The following TTLL4 variants were observed in gnomAD, a reference collection of about 807,000 sequenced individuals.
The protein encoded by TTLL4 is tubulin monoglutamylase TTLL4.
A neutral mutation model predicts 122.7 loss-of-function variants in TTLL4; 85 were observed. The observed-to-expected ratio is 0.69, with a 90% CI of 0.58 to 0.83. TTLL4 has a LOEUF of 0.83. Among genes scored for constraint, TTLL4 ranks in the 40% least tolerant of loss-of-function variants. The probability of loss-of-function intolerance (pLI) is 0.00; values close to 1 mark genes in which losing one functional copy is unlikely to be tolerated. For synonymous variants in TTLL4, 553 were observed against 563.0 expected, an observed-to-expected ratio of 0.98 and a Z score of 0.25; for missense variants, 1,363 against 1,488.6, an observed-to-expected ratio of 0.92 and a Z score of 1.39.
intron 1 of TTLL4, among the ~76,000 whole-genome samples, chr2:218,715,672 T>C (rs537403371): frequency 1.3e-5 from 2 of 152,238 alleles, no homozygotes; most frequent in South Asian, 4.1e-4. Context: ...AATCTGTCGC[T>C]AGGCTGGAGT....
chr2:218,738,954 A>C lies in TTLL4; in HGVS notation c.1278A>C (p.Ser426=), dbSNP rs149241993. The C allele has an allele frequency of 1.9e-6, 3 of 1,614,196 alleles. No homozygotes were observed. In the South Asian group the frequency reaches 3.3e-5, roughly 18 times the overall value. Residue 426 remains serine (S), a synonymous_variant, in exon 3 of 20, where the codon TCA becomes TCC. Transcript: ENST00000392102. Reference sequence around the variant, plus strand: ...GTATCAGCATTCACCTCCTTGCCTCACATGCCAGTGGGCTCAATCACAACC... The same window carrying C: ...GTATCAGCATTCACCTCCTTGCCTCCCATGCCAGTGGGCTCAATCACAACC... ...TKRISIHLLA[S]HASGLNHNPA...
chr2:218,720,192 C>T (rs1273863592), intron 1 of TTLL4, among the ~76,000 whole-genome samples: 1 of 151,892 alleles, frequency 6.6e-6, no homozygotes, highest in Non-Finnish European at 1.5e-5. Context: ...AGACATGAAA[C>T]TTGAGACGAC....
At position 218,752,921 on chromosome 2, in the gene TTLL4, C is replaced by G. The variant is rs201944426; in HGVS notation, c.3135C>G (p.Phe1045Leu). Residue 1045 changes from phenylalanine (F) to leucine (L), a missense_variant, in exon 17 of 20, where the codon TTC becomes TTG. By Grantham distance (22) the Phe-to-Leu change is conservative. Coordinates refer to ENST00000392102, the MANE Select transcript of TTLL4 (RefSeq NM_014640.5). Reference protein sequence around the residue: ...YLRFFEQPRYFNILTTQWEQK... With the variant: ...YLRFFEQPRYLNILTTQWEQK... ...GCTTTTTTGAGCAGCCACGATATTT[C>G]AACATTCTCACCACCCAATGGGAAC... The G allele has an allele frequency of 6.2e-7, 1 of 1,614,172 alleles. No homozygotes were observed. The highest frequency in any genetic ancestry group is 1.7e-5 in the Admixed American group (1 of 60,024).
chr2:218,736,849 C>CTTT (rs776690140), intron 2 of TTLL4, among the ~76,000 whole-genome samples: 22 of 139,432 alleles, frequency 1.6e-4, no homozygotes, highest in African/African-American at 2.4e-4. Context: ...TTCAGATCGT[C>CTTT]TTTTTTTTTT....
intron 1 of TTLL4, among the ~76,000 whole-genome samples, chr2:218,711,318 C>A (rs1006745355): frequency 1.2e-4 from 19 of 152,226 alleles, no homozygotes; most frequent in African/African-American, 4.6e-4. Flanking sequence ...ACTGCCTCAT[C>A]CCCTAGTTAT....
At position 218,740,061 on chromosome 2, in the gene TTLL4, A is replaced by G. The variant is rs1423546934; in HGVS notation, c.1491A>G (p.Ser497=). The stretch of plus-strand genomic sequence containing the variant: ...GGGGCATGATTCTTTCTTTTAGTTC[A>G]GCTACTGACCTCCAGCCAGATCAGG... ...ELDSSDRDIS[S]ATDLQPDQAE... The change falls in exon 4 of 20, where the codon TCA becomes TCG. Residue 497 remains serine, a synonymous_variant. Coordinates refer to ENST00000392102, the MANE Select transcript of TTLL4 (RefSeq NM_014640.5). The G allele has an allele frequency of 6.2e-7, 1 of 1,613,986 alleles. No individual in the cohort carries two copies.
chr2:218,735,969 T>G (rs1487709899), intron 2 of TTLL4, among the ~76,000 whole-genome samples: 4 of 54,074 alleles, frequency 7.4e-5, no homozygotes, highest in Non-Finnish European at 1.6e-4. Context: ...TGCCCAGCCT[T>G]TTTTTTTTTT....
intron 5 of TTLL4, among the ~76,000 whole-genome samples, chr2:218,741,310 CCACTG>C (rs1299185733): frequency 6.6e-6 from 1 of 152,200 alleles, no homozygotes; most frequent in Non-Finnish European, 1.5e-5. Context: ...TAGGGCTGAG[CCACTG>C]CACCTGGCCC....
At chr2:218,719,128 A>T (rs994912328) in intron 1 of TTLL4, among the ~76,000 whole-genome samples, 5 of 152,162 alleles carry the variant, frequency 3.3e-5, no homozygotes, top group Non-Finnish European at 7.3e-5. Context: ...CTTTTGTTCT[A>T]GGAAGACTTA....
At chr2:218,711,673 C>G (rs1270166913) in intron 1 of TTLL4, among the ~76,000 whole-genome samples, 1 of 152,028 alleles carries the variant, frequency 6.6e-6, no homozygotes, top group African/African-American at 2.4e-5. Context: ...AATTTACAGT[C>G]TAGGAGATTA....
At chr2:218,728,627 G>T (rs1344277693) in intron 2 of TTLL4, among the ~76,000 whole-genome samples, 5 of 152,196 alleles carry the variant, frequency 3.3e-5, no homozygotes, top group Non-Finnish European at 7.3e-5. Flanking sequence ...TTCGCAAATG[G>T]AGGAGGTCCC....
intron 8 of TTLL4, chr2:218,746,539 T>C: frequency 2.3e-6 from 1 of 441,472 alleles, no homozygotes; most frequent in Non-Finnish European, 4.1e-6. Context: ...TTCTCCAAGA[T>C]GCTTTTTCCT....
chr2:218,727,009 A>G (rs1175250510), intron 1 of TTLL4, among the ~76,000 whole-genome samples: 1 of 151,276 alleles, frequency 6.6e-6, no homozygotes, highest in Non-Finnish European at 1.5e-5. Context: ...GGGTTTCACC[A>G]TGTTGGTCAG....
At chr2:218,712,956 C>T (rs1941756299) in intron 1 of TTLL4, among the ~76,000 whole-genome samples, 1 of 152,152 alleles carries the variant, frequency 6.6e-6, no homozygotes, top group Non-Finnish European at 1.5e-5. Flanking sequence ...GAAAAGAACA[C>T]AACAGTTAAA....
At chr2:218,713,186 C>T (rs1941763124) in intron 1 of TTLL4, among the ~76,000 whole-genome samples, 1 of 152,058 alleles carries the variant, frequency 6.6e-6, no homozygotes, top group Admixed American at 6.5e-5. Flanking sequence ...TCGAGACCAG[C>T]CTGGGCAACA....
At chr2:218,741,080 A>AAAC (rs368354809) in intron 5 of TTLL4, among the ~76,000 whole-genome samples, 127 of 152,098 alleles carry the variant, frequency 8.3e-4, no homozygotes, top group East Asian at 2.5e-3. Flanking sequence ...CTCAAAAACA[A>AAAC]AACAACAACA....
At chr2:218,724,245 T>A (rs73990923) in intron 1 of TTLL4, among the ~76,000 whole-genome samples, 5,713 of 152,130 alleles carry the variant, frequency 0.038, 335 homozygotes, top group African/African-American at 0.13. Context: ...TAAAAAAAAA[T>A]TTTTTTAAAC....
At chr2:218,739,231 C>T (rs185589887) in intron 3 of TTLL4, 68 bp downstream of exon 3, 612 of 1,506,068 alleles carry the variant, frequency 4.1e-4, no homozygotes, top group Non-Finnish European at 5.0e-4. Context: ...GGGGTGGCAC[C>T]GACCCTGTAC....
chr2:218,735,520 G>A (rs572507439), intron 2 of TTLL4, among the ~76,000 whole-genome samples: 2 of 152,272 alleles, frequency 1.3e-5, no homozygotes, highest in African/African-American at 4.8e-5. Flanking sequence ...GCTGCAGTGA[G>A]CCATGTTTGT....
Sources: gnomAD v4.1 joint callset for allele counts (sites outside exome capture counted in the v4.1 genomes callset) on GRCh38, gnomAD v4.1.1 for gene constraint, MANE v1.5 for transcripts, NCBI Gene and HGNC (gene_info 2026-07-23, HGNC 2026-07-21) for gene names.